The following GABRB1 variants were observed in gnomAD, a reference collection of about 807,000 sequenced individuals.
The protein encoded by GABRB1 is gamma-aminobutyric acid receptor subunit beta-1.
In GABRB1, 17 loss-of-function variants were observed where a neutral mutation model predicts 51.6. That is an observed-to-expected ratio of 0.33 (90% CI 0.23 to 0.49). The LOEUF (loss-of-function observed/expected upper bound fraction) is 0.49. Ranked by LOEUF, GABRB1 falls within the 20% of genes least tolerant of loss-of-function variation. GABRB1 has a pLI of 0.99. For missense variants in GABRB1, 410 were observed against 600.6 expected (o/e 0.68, Z 3.32); for synonymous variants, 247 against 218.9 (o/e 1.13, Z -1.14).
intron 3 of GABRB1, among the ~76,000 whole-genome samples, chr4:47,115,562 A>G (rs1024892524): frequency 2.0e-5 from 3 of 152,058 alleles, no homozygotes; most frequent in African/African-American, 7.2e-5. Context: ...TCTTTAAATC[A>G]TGGGGAATTA....
intron 8 of GABRB1, among the ~76,000 whole-genome samples, chr4:47,412,740 A>G (rs1465837676): frequency 6.6e-6 from 1 of 152,186 alleles, no homozygotes; most frequent in African/African-American, 2.4e-5. Context: ...AGGGGTCCCA[A>G]GCAGGTCTTC....
At chr4:47,102,888 A>G (rs920141266) in intron 3 of GABRB1, among the ~76,000 whole-genome samples, 4 of 152,088 alleles carry the variant, frequency 2.6e-5, no homozygotes, top group African/African-American at 9.7e-5. Flanking sequence ...ACGACCAGCC[A>G]CAATCACATA....
chr4:47,074,690 A>G (rs1306534051), intron 3 of GABRB1, among the ~76,000 whole-genome samples: 1 of 152,206 alleles, frequency 6.6e-6, no homozygotes, highest in Non-Finnish European at 1.5e-5. Context: ...TGACAAACAC[A>G]GAGAAGACTT....
chr4:47,278,328 T>C (rs559268524), intron 4 of GABRB1, among the ~76,000 whole-genome samples: 1 of 152,334 alleles, frequency 6.6e-6, no homozygotes, highest in South Asian at 2.1e-4. Context: ...TACGTTACAA[T>C]GGTATTGACC....
chr4:47,300,107 G>A (rs970327063), intron 4 of GABRB1, among the ~76,000 whole-genome samples: 4 of 116,602 alleles, frequency 3.4e-5, no homozygotes, highest in African/African-American at 1.3e-4. Context: ...GGGGGAGGGG[G>A]GAGGGATAGC....
At chr4:47,351,639 T>A (rs1034040974) in intron 5 of GABRB1, among the ~76,000 whole-genome samples, 21 of 146,654 alleles carry the variant, frequency 1.4e-4, no homozygotes, top group African/African-American at 5.3e-4. Context: ...AATTCCCATC[T>A]ATGAGTGAGA....
At chr4:47,419,481 A>T (rs1002036559) in intron 8 of GABRB1, among the ~76,000 whole-genome samples, 1 of 152,234 alleles carries the variant, frequency 6.6e-6, no homozygotes, top group Non-Finnish European at 1.5e-5. Flanking sequence ...GCTGTTGGAA[A>T]GGGCACTGAT....
At chr4:47,017,436 C>G (rs1724783362) in intron 1 of GABRB1, among the ~76,000 whole-genome samples, 1 of 152,124 alleles carries the variant, frequency 6.6e-6, no homozygotes, top group East Asian at 1.9e-4. Context: ...TATCATTTAA[C>G]TTAAAGGAAA....
At chr4:47,160,957 TA>T (rs1717921511) in intron 3 of GABRB1, among the ~76,000 whole-genome samples, 2 of 151,790 alleles carry the variant, frequency 1.3e-5, no homozygotes, top group African/African-American at 4.8e-5. Flanking sequence ...AAACTAACTT[TA>T]AAAAAATTAT....
At chr4:47,032,540 A>C (rs1280459457) in intron 3 of GABRB1, 56 bp downstream of exon 3, 2 of 1,518,714 alleles carry the variant, frequency 1.3e-6, no homozygotes, top group Non-Finnish European at 1.8e-6. Flanking sequence ...GGAAATGGAC[A>C]GGTCCCTTTG....
intron 4 of GABRB1, among the ~76,000 whole-genome samples, chr4:47,208,269 T>C (rs1461261890): frequency 6.6e-6 from 1 of 152,060 alleles, no homozygotes; most frequent in Non-Finnish European, 1.5e-5. Flanking sequence ...CCAATTATAT[T>C]ATATATTTGG....
intron 5 of GABRB1, among the ~76,000 whole-genome samples, chr4:47,398,784 GTTTGT>G (rs1436451186): frequency 1.3e-5 from 2 of 150,606 alleles, no homozygotes; most frequent in East Asian, 1.9e-4. Flanking sequence ...TTTTTTGTTT[GTTTGT>G]TTTGTTTTGT....
At chr4:47,331,378 T>C (rs1725473769) in intron 5 of GABRB1, among the ~76,000 whole-genome samples, 1 of 152,188 alleles carries the variant, frequency 6.6e-6, no homozygotes, top group Admixed American at 6.6e-5. Context: ...ATGGAGTTCC[T>C]TTTATGAAAA....
intron 4 of GABRB1, among the ~76,000 whole-genome samples, chr4:47,234,482 C>T (rs539401078): frequency 1.3e-3 from 178 of 142,318 alleles, no homozygotes; most frequent in Non-Finnish European, 1.3e-3. Context: ...AGCAAAACTC[C>T]GTCTCAAAAA....
chr4:47,397,568 T>A (rs1256051590), intron 5 of GABRB1, among the ~76,000 whole-genome samples: 2 of 149,960 alleles, frequency 1.3e-5, no homozygotes, highest in East Asian at 2.0e-4. Context: ...TTATTTCTAC[T>A]TTTTTTTTTC....
At chr4:47,288,620 T>C (rs1469005817) in intron 4 of GABRB1, among the ~76,000 whole-genome samples, 1 of 152,196 alleles carries the variant, frequency 6.6e-6, no homozygotes, top group Non-Finnish European at 1.5e-5. Flanking sequence ...ATGAATTAAG[T>C]CTATGACTGG....
At chr4:47,363,965 T>A (rs1726891740) in intron 5 of GABRB1, among the ~76,000 whole-genome samples, 1 of 152,342 alleles carries the variant, frequency 6.6e-6, no homozygotes, top group African/African-American at 2.4e-5. Context: ...TATTCTTTTA[T>A]GAGCTGGAGA....
chr4:47,223,521 T>A (rs916685003), intron 4 of GABRB1, among the ~76,000 whole-genome samples: 1 of 152,160 alleles, frequency 6.6e-6, no homozygotes, highest in Non-Finnish European at 1.5e-5. Flanking sequence ...TCTTTTATAG[T>A]AAGCCTGACA....
intron 4 of GABRB1, among the ~76,000 whole-genome samples, chr4:47,293,663 A>G (rs1030408227): frequency 6.6e-6 from 1 of 152,246 alleles, no homozygotes; most frequent in Non-Finnish European, 1.5e-5. Context: ...GTCATGTAAC[A>G]GTGTAAATGA....
Sources: allele counts gnomAD v4.1 joint callset (sites outside exome capture counted in the v4.1 genomes callset), GRCh38; gene constraint gnomAD v4.1.1; transcripts MANE v1.5; gene names NCBI Gene and HGNC (gene_info 2026-07-23, HGNC 2026-07-21).